MGAT5B: variants seen among roughly 807,000 people sequenced by gnomAD.
MGAT5B encodes N-acetylglucosaminyl-transferase Vb.
In MGAT5B, 54 loss-of-function variants were observed where a neutral mutation model predicts 95.1. That is an observed-to-expected ratio of 0.57 (90% CI 0.46 to 0.71). MGAT5B has a LOEUF of 0.71. Among genes scored for constraint, MGAT5B ranks in the 30% least tolerant of loss-of-function variants. The pLI, the probability that MGAT5B is intolerant of heterozygous loss-of-function variation, is 0.00. For missense variants in MGAT5B, 935 were observed against 1,088.6 expected, an observed-to-expected ratio of 0.86 and a Z score of 1.99; for synonymous variants, 464 against 451.0, an observed-to-expected ratio of 1.03 and a Z score of -0.36.
Position 76,906,134 on chromosome 17 carries a change from C to T in MGAT5B, c.972C>T (p.Leu324=), listed in dbSNP as rs143464770. The stretch of plus-strand genomic sequence containing the variant: ...AGTGGGCGGACATTCTGACTGCACT[C>T]TATGTCCTGGGCCATGGCCTGCGGG... ...MVQWADILTA[L]YVLGHGLRVT... The change falls in exon 8 of 18, where the codon CTC becomes CTT. Residue 324 remains leucine (L), a synonymous_variant. Transcript: ENST00000569840. The surrounding 1 kb of genome is among the most constrained non-coding windows in gnomAD (Gnocchi z 4.6). The T allele has an allele frequency of 8.8e-5, 142 of 1,608,316 alleles. No homozygotes were observed. The African/African-American group carries it at 1.8e-3, about 21-fold the overall frequency.
chr17:76,896,574 G>A (rs1046376997), intron 3 of MGAT5B, among the ~76,000 whole-genome samples: 1 of 152,154 alleles, frequency 6.6e-6, no homozygotes, highest in Non-Finnish European at 1.5e-5. Flanking sequence ...CTTTGCATTT[G>A]GCCTCACAGC....
At position 76,905,844 on chromosome 17, in the gene MGAT5B, G is replaced by C. The variant is rs1968504662; in HGVS notation, c.856-174G>C. 1.3e-5 allele frequency among the ~76,000 whole-genome samples: 2 copies of C among 152,148 alleles called. No homozygotes were observed. Among genetic ancestry groups the C allele is most frequent in the Non-Finnish European group, 2.9e-5 (2 of 68,038 alleles). On this transcript the variant is annotated intron_variant, in intron 7 of 17. Transcript: ENST00000569840. This position sits in a 1 kb window ranked among gnomAD's most constrained non-coding sequence, Gnocchi z 4.2. ...ATGAGGGCAAGCACGTGACTATCTT[G>C]TTCGCCCGTGTCCCCAGTGCCCGAT...
chr17:76,922,729 C>T (rs1969157454), intron 8 of MGAT5B, among the ~76,000 whole-genome samples: 1 of 152,192 alleles, frequency 6.6e-6, no homozygotes, highest in Non-Finnish European at 1.5e-5. Flanking sequence ...TCCCGTGTGG[C>T]AGGTGGTCTG....
rs1211045756 is a variant in MGAT5B, at chr17:76,869,425, C to A, written c.68+328C>A. 6.6e-6 allele frequency among the ~76,000 whole-genome samples: 1 copy of A among 152,110 alleles called. No homozygotes were observed. Among genetic ancestry groups the A allele is most frequent in the Non-Finnish European group, 1.5e-5 (1 of 68,012 alleles). ...CCCCAGCCTGCGCGCCCCTTCCCAG[C>A]CCCTCAGGGTCCTTCCTCACCCCGC... On this transcript the variant is annotated intron_variant, in intron 1 of 17. Transcript: ENST00000569840. The surrounding 1 kb of genome is among the most constrained non-coding windows in gnomAD (Gnocchi z 7.0).
chr17:76,897,660 A>ACCTT (rs1385091778), intron 3 of MGAT5B, among the ~76,000 whole-genome samples: 5,361 of 69,330 alleles, frequency 0.077, 345 homozygotes, highest in East Asian at 0.12. Flanking sequence ...AAGTAAGGCC[A>ACCTT]CTTTCTTTCT....
chr17:76,881,479 G>A (rs750697462), intron 2 of MGAT5B, among the ~76,000 whole-genome samples: 8 of 152,092 alleles, frequency 5.3e-5, no homozygotes, highest in East Asian at 1.9e-4. Context: ...CCCAGAGGCC[G>A]GGCAGGAGAA....
At chr17:76,909,577 A>G (rs1171882898) in intron 8 of MGAT5B, among the ~76,000 whole-genome samples, 4 of 152,318 alleles carry the variant, frequency 2.6e-5, no homozygotes, top group Middle Eastern at 3.4e-3. Flanking sequence ...ATGAGGACAG[A>G]GCCATGGCAA....
At chr17:76,911,975 T>G (rs1968752740) in intron 8 of MGAT5B, among the ~76,000 whole-genome samples, 1 of 152,260 alleles carries the variant, frequency 6.6e-6, no homozygotes, top group South Asian at 2.1e-4. Flanking sequence ...CTCTCTGGGT[T>G]CCTGGTGGTT....
chr17:76,927,357 AGCCTCCC>A (rs1317041955), intron 10 of MGAT5B, among the ~76,000 whole-genome samples: 30 of 152,118 alleles, frequency 2.0e-4, no homozygotes, highest in African/African-American at 7.2e-4. Context: ...CTCCTGCCTC[AGCCTCCC>A]GAGTAGCTGG....
intron 3 of MGAT5B, among the ~76,000 whole-genome samples, chr17:76,898,337 T>TA (rs898600179): frequency 2.7e-4 from 41 of 151,298 alleles, no homozygotes; most frequent in African/African-American, 1.0e-3. Flanking sequence ...TTTTTATTTT[T>TA]TTTTTTTTTT....
chr17:76,908,131 G>T (rs1257878486), intron 8 of MGAT5B, among the ~76,000 whole-genome samples: 2 of 151,958 alleles, frequency 1.3e-5, no homozygotes, highest in Non-Finnish European at 2.9e-5. Context: ...TTTCTTTATG[G>T]TTTTTTGGGG....
chr17:76,888,614 T>G (rs1379059312), intron 3 of MGAT5B, among the ~76,000 whole-genome samples: 2 of 152,078 alleles, frequency 1.3e-5, no homozygotes, highest in Admixed American at 1.3e-4. Flanking sequence ...TTTCCTGAGG[T>G]GGCCTGGAGA....
At chr17:76,887,108 C>G (rs967688339) in intron 3 of MGAT5B, among the ~76,000 whole-genome samples, 1 of 152,294 alleles carries the variant, frequency 6.6e-6, no homozygotes, top group East Asian at 1.9e-4. Context: ...TAAGCTGGCG[C>G]TGTAGCCCTG....
chr17:76,936,789 C>T (rs1454066713), intron 12 of MGAT5B, among the ~76,000 whole-genome samples: 1 of 152,170 alleles, frequency 6.6e-6, no homozygotes, highest in Admixed American at 6.5e-5. Flanking sequence ...TATTCTGTTC[C>T]ATTGATCTGT....
At chr17:76,880,743 T>G (rs1967380765) in intron 2 of MGAT5B, among the ~76,000 whole-genome samples, 1 of 152,046 alleles carries the variant, frequency 6.6e-6, no homozygotes, top group African/African-American at 2.4e-5. Flanking sequence ...GACTGCAGTG[T>G]GTTCTACATG....
intron 3 of MGAT5B, among the ~76,000 whole-genome samples, chr17:76,892,749 T>C (rs979665620): frequency 6.6e-6 from 1 of 152,228 alleles, no homozygotes; most frequent in East Asian, 1.9e-4. Context: ...AGCAACGATA[T>C]GGGACAACAC....
chr17:76,937,974 T>C lies in MGAT5B; in HGVS notation c.1429-14T>C, dbSNP rs370237878. On this transcript the variant is annotated splice_polypyrimidine_tract_variant and intron_variant, in intron 12 of 17. Coordinates refer to ENST00000569840, the MANE Select transcript of MGAT5B (RefSeq NM_001199172.2). ...TTTGCATGTGGTTCCCATCTCCTCC[T>C]CTTCTTTTTCCAGGGGAAGGAGAAG... is the stretch of plus-strand genomic sequence containing the variant. 1.3e-5 allele frequency: 21 copies of C among 1,611,782 alleles called. No individual in the cohort carries two copies. In the African/African-American group the frequency reaches 2.8e-4, roughly 22 times the overall value.
In MGAT5B at chr17:76,906,884, A is replaced by G. The variant is rs1332603223; in HGVS notation, c.1025+697A>G. ...AAGATATATGATGCATACAAAGTCT[A>G]TGTAAAGTATGTTGTGAAACACAAC... On this transcript the variant is annotated intron_variant, in intron 8 of 17. Coordinates refer to ENST00000569840, the MANE Select transcript of MGAT5B (RefSeq NM_001199172.2). This position sits in a 1 kb window ranked among gnomAD's most constrained non-coding sequence, Gnocchi z 4.6. Among the ~76,000 whole-genome samples the G allele has an allele frequency of 6.6e-6, 1 of 152,044 alleles. No individual in the cohort carries two copies. Among genetic ancestry groups the G allele is most frequent in the Non-Finnish European group, 1.5e-5 (1 of 68,004 alleles).
chr17:76,895,055 G>A (rs192324305), intron 3 of MGAT5B, among the ~76,000 whole-genome samples: 4 of 152,216 alleles, frequency 2.6e-5, no homozygotes, highest in African/African-American at 9.6e-5. Context: ...GTGAGGCTTC[G>A]TCCGTATTTA....
Sources: allele counts gnomAD v4.1 joint callset (sites outside exome capture counted in the v4.1 genomes callset), GRCh38; gene constraint gnomAD v4.1.1; non-coding constraint Gnocchi (gnomAD v3.1); transcripts MANE v1.5; gene names NCBI Gene and HGNC (gene_info 2026-07-23, HGNC 2026-07-21).